PLCB1: variants seen among roughly 807,000 people sequenced by gnomAD.
PLCB1 encodes the protein 1-phosphatidylinositol 4,5-bisphosphate phosphodiesterase beta-1.
A neutral mutation model predicts 161.8 loss-of-function variants in PLCB1; 46 were observed. The ratio of observed to expected loss-of-function variants is 0.28; its 90% CI spans 0.22 to 0.36. The LOEUF (loss-of-function observed/expected upper bound fraction) is 0.36. PLCB1 is among the 10% of genes least tolerant of loss of function. PLCB1 has a pLI of 1.00. For synonymous variants in PLCB1, 517 were observed against 503.7 expected, an observed-to-expected ratio of 1.03 and a Z score of -0.35; for missense variants, 1,016 against 1,472.5, an observed-to-expected ratio of 0.69 and a Z score of 5.07.
intron 3 of PLCB1, among the ~76,000 whole-genome samples, chr20:8,548,169 TC>T (rs1223952647): frequency 1.3e-5 from 2 of 151,792 alleles, no homozygotes; most frequent in East Asian, 1.9e-4. Context: ...TCTCTTTTTT[TC>T]CTTTCTCACC....
At chr20:8,807,993 G>A (rs1294420939) in intron 31 of PLCB1, among the ~76,000 whole-genome samples, 3 of 152,136 alleles carry the variant, frequency 2.0e-5, no homozygotes, top group Non-Finnish European at 4.4e-5. Flanking sequence ...ACATAATTGA[G>A]GAAACCAAGG....
At chr20:8,753,921 A>G (rs536914671) in intron 23 of PLCB1, among the ~76,000 whole-genome samples, 8 of 152,130 alleles carry the variant, frequency 5.3e-5, no homozygotes, top group African/African-American at 1.9e-4. Context: ...TATCATTTCC[A>G]CTAACTGCCT....
At chr20:8,286,135 G>T (rs1983110269) in intron 2 of PLCB1, among the ~76,000 whole-genome samples, 1 of 152,266 alleles carries the variant, frequency 6.6e-6, no homozygotes, top group Middle Eastern at 3.4e-3. Flanking sequence ...GACCAGCCTG[G>T]CCAGCATGGC....
chr20:8,802,125 C>A, intron 31 of PLCB1: 1 of 1,610,466 alleles, frequency 6.2e-7, no homozygotes, highest in Non-Finnish European at 8.5e-7. Flanking sequence ...CAACTTTACT[C>A]CCCCCAACCC....
At position 8,629,963 on chromosome 20, in the gene PLCB1, CTTCTTTCTTTCTTTCTTTCTTTCT is replaced by C. The variant is rs201039269; in HGVS notation, c.384+1557_384+1580del. On this transcript the variant is annotated intron_variant, in intron 4 of 31. Transcript: ENST00000338037. ...CTTTCTCTCTTTCTTTTCTTTCTTT[CTTCTTTCTTTCTTTCTTTCTTTCT>C]TTCTTTCTTTCTTTCTTTCTTTCTC... is the stretch of plus-strand genomic sequence containing the variant. 1.5e-3 allele frequency among the ~76,000 whole-genome samples: 170 copies of C among 111,138 alleles called. 1 individual carries two copies. The highest frequency in any genetic ancestry group is 4.3e-3 in the Middle Eastern group (1 of 232). The allele number at this position is 111,138 out of a possible 152,430, so 72.9% of individuals were successfully genotyped here.
At chr20:8,710,528 T>TC (rs1978948424) in intron 12 of PLCB1, among the ~76,000 whole-genome samples, 1 of 140,998 alleles carries the variant, frequency 7.1e-6, no homozygotes, top group Admixed American at 7.5e-5. Flanking sequence ...TTTTTTTTTT[T>TC]TCTGAAGCGG....
chr20:8,205,134 G>A (rs1312360907), intron 2 of PLCB1, among the ~76,000 whole-genome samples: 1 of 152,030 alleles, frequency 6.6e-6, no homozygotes, highest in Non-Finnish European at 1.5e-5. Flanking sequence ...TAAAATAGTT[G>A]ATTTAATGTT....
intron 31 of PLCB1, among the ~76,000 whole-genome samples, chr20:8,819,532 T>C (rs1306320749): frequency 6.6e-6 from 1 of 152,338 alleles, no homozygotes; most frequent in Non-Finnish European, 1.5e-5. Flanking sequence ...GAAGGTAAGA[T>C]ATTCTGTTCA....
intron 9 of PLCB1, among the ~76,000 whole-genome samples, chr20:8,665,156 C>T (rs6055980): frequency 0.047 from 7,182 of 152,204 alleles, 550 homozygotes; most frequent in African/African-American, 0.16. Flanking sequence ...CACACTAAAA[C>T]TAGTTCAGAA....
chr20:8,300,453 C>T (rs188715874), intron 2 of PLCB1, among the ~76,000 whole-genome samples: 14 of 152,136 alleles, frequency 9.2e-5, no homozygotes, highest in Admixed American at 2.6e-4. Context: ...AGGCCTTTCT[C>T]CCCAAATTAG....
At chr20:8,593,690 T>C (rs569748760) in intron 3 of PLCB1, among the ~76,000 whole-genome samples, 1 of 152,264 alleles carries the variant, frequency 6.6e-6, no homozygotes, top group South Asian at 2.1e-4. Flanking sequence ...GAGGTGTCTT[T>C]ATAAGTAACA....
chr20:8,223,341 T>A (rs1165228183), intron 2 of PLCB1, among the ~76,000 whole-genome samples: 2 of 152,184 alleles, frequency 1.3e-5, no homozygotes, highest in Non-Finnish European at 2.9e-5. Context: ...GACTCATTTT[T>A]ACCATCACAT....
chr20:8,446,130 C>G (rs1172300563), intron 3 of PLCB1, among the ~76,000 whole-genome samples: 1 of 152,152 alleles, frequency 6.6e-6, no homozygotes, highest in East Asian at 1.9e-4. Flanking sequence ...GACCACTATC[C>G]CTGATGAACA....
chr20:8,228,082 CTGGG>C (rs1390197741), intron 2 of PLCB1, among the ~76,000 whole-genome samples: 1 of 151,932 alleles, frequency 6.6e-6, no homozygotes, highest in African/African-American at 2.4e-5. Context: ...TTGCTTGAAC[CTGGG>C]TGGGGGAGGT....
At chr20:8,416,268 A>G (rs571658510) in intron 3 of PLCB1, among the ~76,000 whole-genome samples, 43 of 152,290 alleles carry the variant, frequency 2.8e-4, no homozygotes, top group Non-Finnish European at 5.0e-4. Flanking sequence ...TTTATTTATG[A>G]TTATCTGAAG....
intron 10 of PLCB1, among the ~76,000 whole-genome samples, chr20:8,694,292 T>C (rs1055945045): frequency 6.6e-6 from 1 of 152,216 alleles, no homozygotes; most frequent in Non-Finnish European, 1.5e-5. Context: ...AATGTGGGTT[T>C]TCTCAAAGTA....
At chr20:8,858,329 T>C (rs1008581980) in intron 31 of PLCB1, among the ~76,000 whole-genome samples, 1 of 152,236 alleles carries the variant, frequency 6.6e-6, no homozygotes, top group Non-Finnish European at 1.5e-5. Context: ...AGCATCTAAA[T>C]ATCACAAACT....
intron 2 of PLCB1, among the ~76,000 whole-genome samples, chr20:8,237,261 A>C (rs781476725): frequency 6.6e-6 from 1 of 152,094 alleles, no homozygotes; most frequent in African/African-American, 2.4e-5. Flanking sequence ...ATATATGTCA[A>C]TAGTGGAATC....
chr20:8,278,308 ATATT>A (rs1982691532), intron 2 of PLCB1, among the ~76,000 whole-genome samples: 1 of 78,974 alleles, frequency 1.3e-5, no homozygotes, highest in Non-Finnish European at 2.4e-5. Flanking sequence ...ATAAAAATAT[ATATT>A]ATATTTATAT....
Sources: allele counts gnomAD v4.1 joint callset (sites outside exome capture counted in the v4.1 genomes callset), GRCh38; gene constraint gnomAD v4.1.1; transcripts MANE v1.5; gene names NCBI Gene and HGNC (gene_info 2026-07-23, HGNC 2026-07-21).